The following FSTL5 variants were observed in gnomAD, a reference collection of about 807,000 sequenced individuals.
The protein encoded by FSTL5 is follistatin-related protein 5.
FSTL5 carries 62 observed loss-of-function variants against 89.1 expected under a neutral mutation model. That is an observed-to-expected ratio of 0.70 (90% CI 0.57 to 0.86). FSTL5 has a LOEUF of 0.86. Among genes scored for constraint, FSTL5 ranks in the 40% least tolerant of loss-of-function variants. The pLI, the probability that FSTL5 is intolerant of heterozygous loss-of-function variation, is 0.00. For missense variants in FSTL5, 1,057 were observed against 1,001.6 expected (o/e 1.06, Z -0.75); for synonymous variants, 383 against 346.2 (o/e 1.11, Z -1.18).
At position 161,779,794 on chromosome 4, in the gene FSTL5, T is replaced by TAC. The variant is rs1345558591; in HGVS notation, c.410-3721_410-3720insGT. Among the ~76,000 whole-genome samples the TAC allele has an allele frequency of 1.1e-4, 6 of 55,766 alleles. No homozygotes were observed. The South Asian group carries it at 1.7e-3, about 16-fold the overall frequency. 36.6% of individuals were successfully genotyped at this position (55,766 alleles called of 152,430 possible). On this transcript the variant is annotated intron_variant, in intron 4 of 15. Transcript: ENST00000306100. The stretch of plus-strand genomic sequence containing the variant: ...ATATATGTATATATATATATATATA[T>TAC]ATATATATATATATATGTATATATA...
chr4:161,548,576 T>G (rs559336109), intron 8 of FSTL5, among the ~76,000 whole-genome samples: 20 of 151,826 alleles, frequency 1.3e-4, no homozygotes, highest in Non-Finnish European at 2.8e-4. Flanking sequence ...CTTCTTGAAC[T>G]TGAGTTATGT....
At chr4:162,117,154 A>C (rs896178448) in intron 1 of FSTL5, among the ~76,000 whole-genome samples, 1 of 152,200 alleles carries the variant, frequency 6.6e-6, no homozygotes, top group African/African-American at 2.4e-5. Flanking sequence ...CTGGTATCCT[A>C]GAATTCTGTG....
intron 3 of FSTL5, among the ~76,000 whole-genome samples, chr4:162,014,737 C>A (rs1453053821): frequency 6.6e-6 from 1 of 151,892 alleles, no homozygotes; most frequent in Non-Finnish European, 1.5e-5. Context: ...ACCCTAAAAT[C>A]TTTTTTTAAA....
At chr4:161,816,902 G>A (rs146839506) in intron 4 of FSTL5, among the ~76,000 whole-genome samples, 2,003 of 152,252 alleles carry the variant, frequency 0.013, 27 homozygotes, top group Non-Finnish European at 0.018. Flanking sequence ...TATATTTTAT[G>A]TAATTAATCT....
intron 2 of FSTL5, among the ~76,000 whole-genome samples, chr4:162,108,529 A>C (rs186269689): frequency 3.9e-5 from 6 of 151,978 alleles, no homozygotes; most frequent in African/African-American, 1.2e-4. Flanking sequence ...ATACTTTTCT[A>C]GTCAATAAGT....
At chr4:161,713,662 A>C (rs1048070150) in intron 6 of FSTL5, among the ~76,000 whole-genome samples, 10 of 151,846 alleles carry the variant, frequency 6.6e-5, no homozygotes, top group African/African-American at 1.9e-4. Flanking sequence ...ACACACACAC[A>C]CCCCTACAGG....
chr4:161,982,552 A>G lies in FSTL5; in HGVS notation c.160+51073T>C, dbSNP rs538425864. On this transcript the variant is annotated intron_variant, in intron 3 of 15. Coordinates refer to ENST00000306100, the MANE Select transcript of FSTL5 (RefSeq NM_020116.5). ...AATTTCTTCATATATTCCTGGCCAC[A>G]CTTGTGTTACCTATTTCCTTGTTTG... Among the ~76,000 whole-genome samples, 6 of 152,292 alleles carry G rather than the reference A, an allele frequency of 3.9e-5. No individual in the cohort carries two copies. The South Asian group carries it at 1.2e-3, about 32-fold the overall frequency.
At chr4:161,997,532 C>A (rs1736330503) in intron 3 of FSTL5, among the ~76,000 whole-genome samples, 1 of 152,060 alleles carries the variant, frequency 6.6e-6, no homozygotes, top group Non-Finnish European at 1.5e-5. Flanking sequence ...ATCAAATACA[C>A]CTTACTACAA....
intron 6 of FSTL5, among the ~76,000 whole-genome samples, chr4:161,675,786 G>T (rs112825212): frequency 6.6e-6 from 1 of 151,708 alleles, no homozygotes; most frequent in Non-Finnish European, 1.5e-5. Flanking sequence ...CTAATGAGAC[G>T]CTATCTGATA....
At chr4:161,829,542 CTTGTT>C (rs1319919291) in intron 4 of FSTL5, among the ~76,000 whole-genome samples, 2 of 151,762 alleles carry the variant, frequency 1.3e-5, no homozygotes, top group East Asian at 1.9e-4. Context: ...TCAAAATTGT[CTTGTT>C]TTAAGTATTT....
At position 161,587,634 on chromosome 4, in the gene FSTL5, A is replaced by G. The variant is rs1733663357; in HGVS notation, c.895-59T>C. The G allele has an allele frequency of 2.8e-6, 4 of 1,407,780 alleles. No individual in the cohort carries two copies. In the Admixed American group the frequency reaches 8.2e-5, roughly 29 times the overall value. The allele number at this position is 1,407,780 out of a possible 1,614,324, so 87.2% of individuals were successfully genotyped here. A position where few individuals can be genotyped will look rare whatever the true frequency, so the allele number is the denominator to read the frequency against. On this transcript the variant is annotated intron_variant, in intron 7 of 15. Transcript: ENST00000306100. ...TTTTGAATTAATTGTAACAATTTCA[A>G]TTTTTAAAAGGTGTATTCAGGTACA... is the stretch of plus-strand genomic sequence containing the variant.
intron 4 of FSTL5, among the ~76,000 whole-genome samples, chr4:161,907,869 T>A (rs1733580597): frequency 6.6e-6 from 1 of 152,102 alleles, no homozygotes; most frequent in South Asian, 2.1e-4. Flanking sequence ...TTTTCTTAAC[T>A]ACCACATTTG....
chr4:161,742,704 C>G (rs778888040), intron 6 of FSTL5, among the ~76,000 whole-genome samples: 4 of 152,118 alleles, frequency 2.6e-5, no homozygotes, highest in Admixed American at 2.0e-4. Flanking sequence ...ATAAGATTCA[C>G]AACTTTTCAA....
In FSTL5 at chr4:161,627,898, T is replaced by C. The variant is rs957111508; in HGVS notation, c.894+28430A>G. ...GTCACGGTCATACAGACACAGACTT[T>C]GGAATAATTTTATGATAGTAACATA... On this transcript the variant is annotated intron_variant, in intron 7 of 15. Coordinates refer to ENST00000306100, the MANE Select transcript of FSTL5 (RefSeq NM_020116.5). Among the ~76,000 whole-genome samples the C allele has an allele frequency of 1.5e-4, 23 of 152,280 alleles. 1 individual carries two copies. Among genetic ancestry groups the C allele is most frequent in the Admixed American group, 3.3e-4 (5 of 15,286 alleles).
At chr4:162,006,838 G>C (rs1736630243) in intron 3 of FSTL5, among the ~76,000 whole-genome samples, 1 of 151,870 alleles carries the variant, frequency 6.6e-6, no homozygotes, top group Admixed American at 6.6e-5. Flanking sequence ...TTCAAATAAT[G>C]AATATTTGCA....
At chr4:161,965,071 T>C (rs1735286277) in intron 3 of FSTL5, among the ~76,000 whole-genome samples, 1 of 152,096 alleles carries the variant, frequency 6.6e-6, no homozygotes, top group South Asian at 2.1e-4. Context: ...AACTGATAAT[T>C]CGTAAGCATA....
At chr4:161,999,393 T>C (rs1271459186) in intron 3 of FSTL5, among the ~76,000 whole-genome samples, 1 of 152,156 alleles carries the variant, frequency 6.6e-6, no homozygotes, top group Non-Finnish European at 1.5e-5. Context: ...AAATTGTAAT[T>C]TGTAAATTTG....
chr4:161,856,513 T>G (rs76836593), intron 4 of FSTL5, among the ~76,000 whole-genome samples: 1 of 151,982 alleles, frequency 6.6e-6, no homozygotes, highest in African/African-American at 2.4e-5. Flanking sequence ...TGGGCATGTA[T>G]TTTGCTAGGT....
intron 4 of FSTL5, among the ~76,000 whole-genome samples, chr4:161,888,635 G>T (rs922965878): frequency 6.6e-6 from 1 of 151,948 alleles, no homozygotes; most frequent in African/African-American, 2.4e-5. Flanking sequence ...CAAACATAAT[G>T]AATATTCTAG....
Sources: allele counts gnomAD v4.1 joint callset (sites outside exome capture counted in the v4.1 genomes callset), GRCh38; gene constraint gnomAD v4.1.1; transcripts MANE v1.5; gene names NCBI Gene and HGNC (gene_info 2026-07-23, HGNC 2026-07-21).